The following EED variants were observed in gnomAD, a reference collection of about 807,000 sequenced individuals.
EED encodes polycomb protein EED.
Under a neutral mutation model 61.0 loss-of-function variants are expected in EED, and 9 were observed. The ratio of observed to expected loss-of-function variants is 0.15; its 90% confidence interval spans 0.09 to 0.26. The LOEUF is 0.26. EED is among the 10% of genes least tolerant of loss of function. EED has a pLI of 1.00. For synonymous variants in EED, 187 were observed against 174.4 expected, an observed-to-expected ratio of 1.07 and a Z score of -0.57; for missense variants, 315 against 542.3, an observed-to-expected ratio of 0.58 and a Z score of 4.16.
chr11:86,265,534 A>G (rs1179533552), intron 7 of EED: 1 of 152,200 alleles, frequency 6.6e-6, no homozygotes, highest in Non-Finnish European at 1.5e-5. Context: ...AAATTAGTAA[A>G]CAGCAAATGA....
At chr11:86,281,159 T>TA (rs1317676857), downstream of EED, among the ~76,000 whole-genome samples, 2 of 152,226 alleles carry the variant, frequency 1.3e-5, no homozygotes, top group African/African-American at 2.4e-5. Flanking sequence ...ATCAGGCTAA[T>TA]ACTGTCCTCG....
intron 5 of EED, 121 bp downstream of exon 5, chr11:86,256,633 T>C (rs535808704): frequency 5.9e-6 from 6 of 1,015,894 alleles, no homozygotes; most frequent in Admixed American, 3.5e-5. Flanking sequence ...TTTGTACTTT[T>C]CTTACTGCTC....
chr11:86,256,376 G>T lies in EED; in HGVS notation c.427-11G>T. On this transcript the variant is annotated splice_polypyrimidine_tract_variant and intron_variant, in intron 4 of 11. Transcript: ENST00000263360. Reference sequence around the variant, plus strand: ...AAAAACATTATGTTTCTTAACTGTGGAATTTCTTAGGCTGATGAAAACTTT... The same window carrying T: ...AAAAACATTATGTTTCTTAACTGTGTAATTTCTTAGGCTGATGAAAACTTT... The T allele has an allele frequency of 6.4e-7, 1 of 1,553,850 alleles. No homozygotes were observed. Among genetic ancestry groups the T allele is most frequent in the Non-Finnish European group, 8.7e-7 (1 of 1,146,256 alleles).
At chr11:86,266,850 G>A (rs866253167) in intron 8 of EED, among the ~76,000 whole-genome samples, 3 of 152,084 alleles carry the variant, frequency 2.0e-5, no homozygotes, top group Non-Finnish European at 4.4e-5. Context: ...CACTATAAAC[G>A]TTGTATGTCT....
At chr11:86,277,254 G>T in intron 10 of EED, 116 bp downstream of exon 10, 1 of 984,348 alleles carries the variant, frequency 1.0e-6, no homozygotes, top group Non-Finnish European at 1.4e-6. Context: ...CTGATGTTTT[G>T]TATTGATTAC....
intron 7 of EED, 145 bp from the exon 8 acceptor site, chr11:86,265,938 T>C (rs1400360187): frequency 1.2e-5 from 7 of 583,920 alleles, no homozygotes; most frequent in African/African-American, 1.9e-5. Flanking sequence ...TAAACTCTGA[T>C]TTATGGCCTA....
chr11:86,275,127 G>A lies in EED; in HGVS notation c.967-1853G>A, dbSNP rs771997800. Among the ~76,000 whole-genome samples the A allele has an allele frequency of 3.3e-5, 5 of 152,146 alleles. No homozygotes were observed. In the South Asian group the frequency reaches 6.2e-4, roughly 19 times the overall value. On this transcript the variant is annotated intron_variant, in intron 9 of 11. Coordinates refer to ENST00000263360, the MANE Select transcript of EED (RefSeq NM_003797.5). ...GAATACATAAGGCAAAAGAAAACCC[G>A]GGAAACTCAACGGTTATCGTTTGTG...
intron 2 of EED, 106 bp downstream of exon 2, chr11:86,250,554 T>A: frequency 7.9e-7 from 1 of 1,271,742 alleles, no homozygotes; most frequent in Non-Finnish European, 1.0e-6. Context: ...GTAAATATTT[T>A]AAAGTTACAA....
chr11:86,280,674 A>G (rs754664514), downstream of EED, among the ~76,000 whole-genome samples: 9 of 152,238 alleles, frequency 5.9e-5, no homozygotes, highest in Non-Finnish European at 8.8e-5. Context: ...ATAGGGTACA[A>G]TGTGATGCTT....
At chr11:86,256,305 A>G in intron 4 of EED, 82 bp from the exon 5 acceptor site, 1 of 1,325,448 alleles carries the variant, frequency 7.5e-7, no homozygotes, top group Non-Finnish European at 1.0e-6. Flanking sequence ...AAACTTTAGC[A>G]GTTCTTTATA....
chr11:86,250,208 G>C, intron 1 of EED, 88 bp from the exon 2 acceptor site: 1 of 1,214,404 alleles, frequency 8.2e-7, no homozygotes. Context: ...ATTTCTCTTA[G>C]GTCAGTCAGC....
rs767913799 is a variant in EED, at chr11:86,257,572, A to G, written c.610A>G (p.Asn204Asp). 8.7e-6 allele frequency: 14 copies of G among 1,612,212 alleles called. No individual in the cohort carries two copies. Among genetic ancestry groups the G allele is most frequent in the East Asian group, 2.2e-5 (1 of 44,762 alleles). The change falls in exon 6 of 12, where the codon AAT (asparagine) becomes GAT (aspartate). Residue 204 changes from asparagine to aspartate, a missense_variant. Transcript: ENST00000263360. The part of the protein sequence containing the change: ...NELKFHPRDP[N>D]LLLSVSKDHA... ...GCTGAAATTCCATCCAAGAGATCCA[A>G]ATCTTCTCCTGTCAGTAAGTAAAGG...
At chr11:86,248,969 A>C (rs148574392) in intron 1 of EED, among the ~76,000 whole-genome samples, 1 of 152,282 alleles carries the variant, frequency 6.6e-6, no homozygotes, top group African/African-American at 2.4e-5. Context: ...AACCAAGGAC[A>C]GAGTGGGTGA....
chr11:86,259,033 AT>A (rs1555178029), intron 6 of EED, among the ~76,000 whole-genome samples: 1 of 150,426 alleles, frequency 6.6e-6, no homozygotes, highest in Non-Finnish European at 1.5e-5. Context: ...TGCCTGGCTA[AT>A]TTTTTTTATT....
At chr11:86,264,100 T>C (rs975445564) in intron 6 of EED, 72 bp from the exon 7 acceptor site, 10 of 1,236,948 alleles carry the variant, frequency 8.1e-6, no homozygotes, top group African/African-American at 3.0e-5. Context: ...TTTAGTAGTT[T>C]TTCTTTCACA....
intron 3 of EED, among the ~76,000 whole-genome samples, chr11:86,253,095 A>G (rs1022626210): frequency 6.6e-6 from 1 of 152,224 alleles, no homozygotes; most frequent in African/African-American, 2.4e-5. Context: ...GCCTTTTACT[A>G]TTTGACAAGG....
chr11:86,271,673 C>A (rs1946114185), intron 9 of EED, among the ~76,000 whole-genome samples: 1 of 152,058 alleles, frequency 6.6e-6, no homozygotes, highest in Admixed American at 6.6e-5. Context: ...TTTCCTGTTC[C>A]TAAATTTTTG....
At chr11:86,286,971 C>CAAAAAAAAAAAAAAAAAAAA in the EED span, among the ~76,000 whole-genome samples, 8 of 68,326 alleles carry the variant, frequency 1.2e-4, no homozygotes, top group African/African-American at 3.9e-4. Flanking sequence ...GACTCCGTCT[C>CAAAAAAAAAAAAAAAAAAAA]AAAAAAAAAA....
chr11:86,264,837 T>A (rs1945934394), intron 7 of EED: 1 of 152,218 alleles, frequency 6.6e-6, no homozygotes, highest in Admixed American at 6.5e-5. Context: ...TTTAACATTA[T>A]TTTTGCTTAT....
Sources: allele counts gnomAD v4.1 joint callset (sites outside exome capture counted in the v4.1 genomes callset), GRCh38; gene constraint gnomAD v4.1.1; transcripts MANE v1.5; gene names NCBI Gene and HGNC (gene_info 2026-07-23, HGNC 2026-07-21).